EHD1: variants seen among roughly 807,000 people sequenced by gnomAD.
The protein encoded by EHD1 is EH domain-containing protein 1.
A neutral mutation model predicts 39.0 loss-of-function variants in EHD1; 19 were observed. That is an observed-to-expected ratio of 0.49 (90% CI 0.34 to 0.72). The LOEUF (loss-of-function observed/expected upper bound fraction) is 0.72. EHD1 is among the 30% of genes least tolerant of loss of function. The pLI, the probability that EHD1 is intolerant of heterozygous loss-of-function variation, is 0.01. For synonymous variants in EHD1, 323 were observed against 331.2 expected, an observed-to-expected ratio of 0.98 and a Z score of 0.27; for missense variants, 542 against 751.5, an observed-to-expected ratio of 0.72 and a Z score of 3.26.
intron 2 of EHD1, among the ~76,000 whole-genome samples, chr11:64,873,692 T>C (rs1241982156): frequency 6.6e-6 from 1 of 151,884 alleles, no homozygotes; most frequent in African/African-American, 2.4e-5. Flanking sequence ...TTTTTTTTTT[T>C]TTCTGAGACG....
rs776455715 is a variant in EHD1 at position 64,859,951 on chromosome 11, G to A, written c.888C>T (p.Asp296=). ...PRNAALRKLN[D]LIKRARLAKV... is the part of the protein sequence containing the mutation. ...TGGCCAGCCGTGCCCGCTTGATCAG[G>A]TCATTGAGCTTCCTGAGGGCGGCGT... The change falls in exon 3 of 5, where the codon GAC becomes GAT. Residue 296 remains aspartate (D), a synonymous_variant. Coordinates refer to ENST00000320631, the MANE Select transcript of EHD1 (RefSeq NM_006795.4). The A allele has an allele frequency of 1.2e-6, 2 of 1,613,570 alleles. No homozygotes were observed. The highest frequency in any genetic ancestry group is 2.2e-5 in the South Asian group (2 of 91,060).
At chr11:64,854,883 G>A (rs756874801) in intron 4 of EHD1, 26 bp from the exon 5 acceptor site, 1 of 1,588,026 alleles carries the variant, frequency 6.3e-7, no homozygotes, top group African/African-American at 1.3e-5. Context: ...GAAGGACAAG[G>A]GCTGGGAAGG....
At chr11:64,879,534 C>T, upstream of EHD1, 1 of 1,538,220 alleles carries the variant, frequency 6.5e-7, no homozygotes, top group Non-Finnish European at 8.8e-7. Context: ...GTTTAAAAAC[C>T]CAAATACTTC....
intron 3 of EHD1, chr11:64,855,700 G>GT: frequency 1.6e-6 from 1 of 620,460 alleles, no homozygotes; most frequent in Non-Finnish European, 2.8e-6. Flanking sequence ...CACTGCCACA[G>GT]GACAGAGGAC....
chr11:64,874,460 G>T lies in EHD1; in HGVS notation c.463C>A (p.Pro155Thr). The change falls in exon 2 of 5, where the codon CCC (proline) becomes ACC (threonine). Residue 155 changes from proline (P) to threonine (T), a missense_variant. Physicochemically the swap from Pro to Thr is conservative, Grantham distance 38 (BLOSUM62 -1). Coordinates refer to ENST00000320631, the MANE Select transcript of EHD1 (RefSeq NM_006795.4). ...VLDSISIIDT[P>T]GILSGEKQRI... ...TGCTTCTCTCCAGACAGGATCCCGG[G>T]GGTGTCGATGATGCTGATGCTGTCC... is the stretch of plus-strand genomic sequence containing the variant. The T allele has an allele frequency of 6.2e-7, 1 of 1,610,990 alleles. No individual in the cohort carries two copies. Among genetic ancestry groups the T allele is most frequent in the Non-Finnish European group, 8.5e-7 (1 of 1,178,840 alleles).
chr11:64,864,994 C>G (rs1022415301), intron 2 of EHD1, among the ~76,000 whole-genome samples: 1 of 152,252 alleles, frequency 6.6e-6, no homozygotes, highest in African/African-American at 2.4e-5. Flanking sequence ...TCCAGAAGCC[C>G]TGCCCCACCT....
intron 1 of EHD1, 64 bp downstream of exon 1, chr11:64,877,997 C>T (rs777402220): frequency 1.2e-4 from 176 of 1,444,470 alleles, no homozygotes; most frequent in Non-Finnish European, 1.5e-4. Flanking sequence ...ACGGGAGGGT[C>T]AGGCTCCGAG....
At chr11:64,867,309 C>T (rs1240006789) in intron 2 of EHD1, among the ~76,000 whole-genome samples, 1 of 151,782 alleles carries the variant, frequency 6.6e-6, no homozygotes, top group African/African-American at 2.4e-5. Context: ...ATCCCAGCTA[C>T]CCAAGAGGCC....
intron 2 of EHD1, among the ~76,000 whole-genome samples, chr11:64,873,539 A>G (rs560839884): frequency 1.2e-4 from 18 of 152,290 alleles, no homozygotes; most frequent in African/African-American, 3.6e-4. Flanking sequence ...TGACAGCCAC[A>G]TAAGATTGGC....
intron 2 of EHD1, among the ~76,000 whole-genome samples, chr11:64,871,354 G>A (rs182045762): frequency 2.6e-5 from 4 of 152,306 alleles, no homozygotes; most frequent in Non-Finnish European, 5.9e-5. Context: ...CTCCTCCGCT[G>A]GACAGGCCAC....
intron 2 of EHD1, among the ~76,000 whole-genome samples, chr11:64,863,040 G>A (rs572859856): frequency 5.3e-5 from 8 of 152,316 alleles, no homozygotes; most frequent in Non-Finnish European, 4.4e-5. Flanking sequence ...CATCCTCTCT[G>A]CCTGATTCTG....
At chr11:64,859,851 G>A in intron 3 of EHD1, 73 bp downstream of exon 3, 1 of 1,532,224 alleles carries the variant, frequency 6.5e-7, no homozygotes, top group Non-Finnish European at 8.8e-7. Flanking sequence ...GCAATCCTGG[G>A]GCCCTGAGTG....
In EHD1 at chr11:64,868,921, C is replaced by CA. The variant is rs1943797573; in HGVS notation, c.502+5499dup. On this transcript the variant is annotated intron_variant, in intron 2 of 4. Coordinates refer to ENST00000320631, the MANE Select transcript of EHD1 (RefSeq NM_006795.4). This position sits in a 1 kb window ranked among gnomAD's most constrained non-coding sequence, Gnocchi z 4.2. ...GTGACCCAGCAGGTCTCTGACCTCTCAGAGCCTCGGTTCCCAGCTTCTCAG... is the reference window on the plus strand; with the variant it reads ...GTGACCCAGCAGGTCTCTGACCTCTCAAGAGCCTCGGTTCCCAGCTTCTCAG... 2.6e-5 allele frequency among the ~76,000 whole-genome samples: 4 copies of CA among 152,362 alleles called. No homozygotes were observed. In the South Asian group the frequency reaches 6.2e-4, roughly 24 times the overall value.
chr11:64,855,480 C>T lies in EHD1; in HGVS notation c.922G>A (p.Ala308Thr), dbSNP rs747303692. 9.9e-6 allele frequency: 16 copies of T among 1,613,744 alleles called. No individual in the cohort carries two copies. The highest frequency in any genetic ancestry group is 1.7e-4 in the Middle Eastern group (1 of 6,044). ...TTCTTGAGGGAGCTGATGATGTAGG[C>T]GTGAACCTGTGAGGACGGGGTGAGC... The part of the protein sequence containing the change: ...IKRARLAKVH[A>T]YIISSLKKEM... The change falls in exon 4 of 5, where the codon GCC becomes ACC. Residue 308 changes from alanine (A) to threonine (T), a missense_variant. By Grantham distance (58) the Ala-to-Thr change is moderately conservative. Coordinates refer to ENST00000320631, the MANE Select transcript of EHD1 (RefSeq NM_006795.4).
intron 3 of EHD1, among the ~76,000 whole-genome samples, chr11:64,857,163 G>A (rs947132244): frequency 2.0e-5 from 3 of 152,238 alleles, no homozygotes; most frequent in African/African-American, 7.2e-5. Flanking sequence ...GGTGGCTCAC[G>A]CCTGTAATCC....
At chr11:64,871,297 A>G (rs1943827845) in intron 2 of EHD1, among the ~76,000 whole-genome samples, 1 of 152,156 alleles carries the variant, frequency 6.6e-6, no homozygotes, top group Non-Finnish European at 1.5e-5. Context: ...CAGCAAAGGC[A>G]GTAGCAGGTG....
intron 2 of EHD1, among the ~76,000 whole-genome samples, chr11:64,867,124 G>A (rs1240736472): frequency 1.3e-5 from 2 of 152,150 alleles, no homozygotes; most frequent in African/African-American, 2.4e-5. Context: ...ACCAAAAAAC[G>A]TGGTTAAAAT....
rs1000655486 is a variant in EHD1, at chr11:64,878,572, C to T, written c.-108G>A. ...CCGGGGCAGGGAATCGGGAGCGACC[C>T]ACACTGCGCAGGCGCACAGCCCAGC... On this transcript the variant is annotated 5_prime_UTR_variant, in exon 1 of 5. Transcript: ENST00000320631. 13 of 1,451,638 alleles carry T rather than the reference C, an allele frequency of 9.0e-6. No homozygotes were observed. In the Admixed American group the frequency reaches 2.1e-4, roughly 24 times the overall value. The allele number at this position is 1,451,638 out of a possible 1,614,324, so 89.9% of individuals were successfully genotyped here. A position where few individuals can be genotyped will look rare whatever the true frequency, so the allele number is the denominator to read the frequency against.
intron 2 of EHD1, among the ~76,000 whole-genome samples, chr11:64,871,145 C>T (rs1396090921): frequency 3.9e-5 from 6 of 152,224 alleles, no homozygotes; most frequent in Non-Finnish European, 7.3e-5. Flanking sequence ...TTAGCAACCC[C>T]AATGTCCATC....
Sources: allele counts gnomAD v4.1 joint callset (sites outside exome capture counted in the v4.1 genomes callset), GRCh38; gene constraint gnomAD v4.1.1; non-coding constraint Gnocchi (gnomAD v3.1); transcripts MANE v1.5; gene names NCBI Gene and HGNC (gene_info 2026-07-23, HGNC 2026-07-21).